GNE: variants seen among roughly 807,000 people sequenced by gnomAD.
The protein encoded by GNE is glucosamine (UDP-N-acetyl)-2-epimerase/N-acetylmannosamine kinase, also known as bifunctional UDP-N-acetylglucosamine 2-epimerase/N-acetylmannosamine kinase.
A neutral mutation model predicts 61.8 loss-of-function variants in GNE; 41 were observed. The ratio of observed to expected loss-of-function variants is 0.66; its 90% CI spans 0.52 to 0.86. The LOEUF is 0.86. GNE is among the 40% of genes least tolerant of loss of function. The probability of loss-of-function intolerance (pLI) is 0.00; values close to 1 mark genes in which losing one functional copy is unlikely to be tolerated. For synonymous variants in GNE, 264 were observed against 326.4 expected, an observed-to-expected ratio of 0.81 and a Z score of 2.06; for missense variants, 608 against 909.1, an observed-to-expected ratio of 0.67 and a Z score of 4.26.
intron 3 of GNE, among the ~76,000 whole-genome samples, chr9:36,245,815 G>A (rs952919440): frequency 7.2e-5 from 11 of 152,154 alleles, no homozygotes; most frequent in Admixed American, 4.6e-4. Flanking sequence ...ATATAGCAGA[G>A]ATTTTTAAAA....
chr9:36,270,097 G>A (rs1023309102), intron 1 of GNE, among the ~76,000 whole-genome samples: 2 of 152,026 alleles, frequency 1.3e-5, no homozygotes, highest in Non-Finnish European at 2.9e-5. Flanking sequence ...AAGTAGCTGG[G>A]ACTTAAAGCA....
rs1828410159 is a variant in GNE at position 36,218,050 on chromosome 9, G to A, written c.1933+133C>T. On this transcript the variant is annotated intron_variant, in intron 11 of 11. Transcript: ENST00000642385. This position sits in a 1 kb window ranked among gnomAD's most constrained non-coding sequence, Gnocchi z 4.1. Reference sequence around the variant, plus strand: ...TTCCCTTTTTACCTCTGAGTAATTAGGAAAGAAACCTCTGAACAGACACTG... The same window carrying A: ...TTCCCTTTTTACCTCTGAGTAATTAAGAAAGAAACCTCTGAACAGACACTG... 1.3e-6 allele frequency: 1 copy of A among 773,904 alleles called. No homozygotes were observed. The highest frequency in any genetic ancestry group is 2.4e-6 in the Non-Finnish European group (1 of 422,482). 47.9% of individuals were successfully genotyped at this position (773,904 alleles called of 1,614,324 possible). A position where few individuals can be genotyped will look rare whatever the true frequency, so the allele number is the denominator to read the frequency against.
In GNE at chr9:36,222,144, C is replaced by T. The variant is rs187629389; in HGVS notation, c.1633+633G>A. On this transcript the variant is annotated intron_variant, in intron 9 of 11. Transcript: ENST00000642385. ...GTTTATCAAAAACATTTCGGCCGGG[C>T]GCGGTGGCTCACGCCTGTAATCCCA... Among the ~76,000 whole-genome samples the T allele has an allele frequency of 4.4e-3, 672 of 151,750 alleles. 7 individuals are homozygous for T. The highest frequency in any genetic ancestry group is 0.015 in the African/African-American group (628 of 41,358).
chr9:36,218,048 T>G lies in GNE; in HGVS notation c.1933+135A>C, dbSNP rs1828410012. The G allele has an allele frequency of 1.3e-6, 1 of 771,262 alleles. No individual in the cohort carries two copies. The highest frequency in any genetic ancestry group is 1.7e-5 in the Admixed American group (1 of 58,504). The allele number at this position is 771,262 out of a possible 1,614,324, so 47.8% of individuals were successfully genotyped here. A position where few individuals can be genotyped will look rare whatever the true frequency, so the allele number is the denominator to read the frequency against. On this transcript the variant is annotated intron_variant, in intron 11 of 11. Coordinates refer to ENST00000642385, the MANE Select transcript of GNE (RefSeq NM_005476.7). The surrounding 1 kb of genome is among the most constrained non-coding windows in gnomAD (Gnocchi z 4.1). ...AATTCCCTTTTTACCTCTGAGTAATTAGGAAAGAAACCTCTGAACAGACAC... is the reference window on the plus strand; with the variant it reads ...AATTCCCTTTTTACCTCTGAGTAATGAGGAAAGAAACCTCTGAACAGACAC...
chr9:36,255,841 T>C (rs1210134618), intron 1 of GNE, among the ~76,000 whole-genome samples: 1 of 152,184 alleles, frequency 6.6e-6, no homozygotes, highest in Non-Finnish European at 1.5e-5. Flanking sequence ...GGATGGATGA[T>C]AGATGTTAGA....
chr9:36,254,727 G>A (rs563372842), intron 1 of GNE, among the ~76,000 whole-genome samples: 6 of 152,250 alleles, frequency 3.9e-5, no homozygotes, highest in East Asian at 3.9e-4. Flanking sequence ...CGAGGCGGGC[G>A]GATCACCTGA....
intron 6 of GNE, among the ~76,000 whole-genome samples, chr9:36,228,507 A>G (rs996484671): frequency 6.6e-6 from 1 of 152,044 alleles, no homozygotes; most frequent in Non-Finnish European, 1.5e-5. Flanking sequence ...AACAAATAAA[A>G]TAAGGCTGGG....
At chr9:36,263,684 T>C (rs368332209) in intron 1 of GNE, among the ~76,000 whole-genome samples, 1 of 152,204 alleles carries the variant, frequency 6.6e-6, no homozygotes, top group African/African-American at 2.4e-5. Context: ...GGCACAAATT[T>C]TTCCTAAAGT....
chr9:36,256,087 G>A (rs1268845174), intron 1 of GNE, among the ~76,000 whole-genome samples: 1 of 151,966 alleles, frequency 6.6e-6, no homozygotes, highest in Non-Finnish European at 1.5e-5. Flanking sequence ...ACCATGCCCA[G>A]CTAATTTTTT....
At chr9:36,269,479 A>G (rs541088136) in intron 1 of GNE, among the ~76,000 whole-genome samples, 2 of 151,534 alleles carry the variant, frequency 1.3e-5, no homozygotes, top group African/African-American at 4.8e-5. Flanking sequence ...AACTCAATAT[A>G]TGAAAGTTCA....
intron 9 of GNE, among the ~76,000 whole-genome samples, chr9:36,222,405 C>T (rs1274851956): frequency 3.9e-5 from 5 of 128,140 alleles, no homozygotes; most frequent in Middle Eastern, 4.4e-3. Context: ...GGCGACAGAG[C>T]GAGACTCCGT....
intron 6 of GNE, among the ~76,000 whole-genome samples, chr9:36,228,095 G>A (rs2133045215): frequency 6.9e-6 from 1 of 144,226 alleles, no homozygotes; most frequent in Middle Eastern, 3.8e-3. Context: ...ATCTCCACAA[G>A]ATATACATAC....
At chr9:36,245,963 G>T in intron 3 of GNE, 68 bp downstream of exon 3, 1 of 1,239,782 alleles carries the variant, frequency 8.1e-7, no homozygotes, top group Non-Finnish European at 1.2e-6. Flanking sequence ...TTTCCAAAAG[G>T]ATTGAAATAG....
At chr9:36,260,574 A>G (rs964661380), upstream of GNE, among the ~76,000 whole-genome samples, 8 of 152,096 alleles carry the variant, frequency 5.3e-5, no homozygotes, top group Non-Finnish European at 1.2e-4. Context: ...AGGGTCTTTA[A>G]AACAACACAA....
At chr9:36,238,784 G>C (rs1342591106) in intron 3 of GNE, among the ~76,000 whole-genome samples, 1 of 152,056 alleles carries the variant, frequency 6.6e-6, no homozygotes, top group African/African-American at 2.4e-5. Context: ...ATTTGCTTTT[G>C]GGTTCTTGGT....
At chr9:36,249,870 C>T (rs908246522) in intron 1 of GNE, among the ~76,000 whole-genome samples, 6 of 150,062 alleles carry the variant, frequency 4.0e-5, no homozygotes, top group African/African-American at 9.8e-5. Context: ...GGTGACAGAG[C>T]GAGACTCCAT....
intron 5 of GNE, 123 bp downstream of exon 5, chr9:36,233,797 G>T: frequency 1.2e-6 from 1 of 815,104 alleles, no homozygotes; most frequent in Non-Finnish European, 2.2e-6. Flanking sequence ...GCTTCAACTG[G>T]TTATTAACCT....
rs146427101 is a variant in GNE, at chr9:36,239,414, T to C, written c.617-2430A>G. Among the ~76,000 whole-genome samples the C allele has an allele frequency of 4.9e-4, 75 of 152,160 alleles. 1 individual carries two copies. The highest frequency in any genetic ancestry group is 1.9e-3 in the South Asian group (9 of 4,826). On this transcript the variant is annotated intron_variant, in intron 3 of 11. Coordinates refer to ENST00000642385, the MANE Select transcript of GNE (RefSeq NM_005476.7). ...TCTACCCATCCATGAGCATGGGATG[T>C]GTTTCCATTTGTTCATGTTGTCTAT...
intron 5 of GNE, among the ~76,000 whole-genome samples, chr9:36,231,107 GAGAA>G (rs1322223013): frequency 3.8e-4 from 41 of 108,382 alleles, no homozygotes; most frequent in Middle Eastern, 4.0e-3. Flanking sequence ...GAGAGAGAAA[GAGAA>G]AGAAAGAAAG....
Sources: gnomAD v4.1 joint callset for allele counts (sites outside exome capture counted in the v4.1 genomes callset) on GRCh38, gnomAD v4.1.1 for gene constraint, Gnocchi (gnomAD v3.1) non-coding constraint, MANE v1.5 for transcripts, NCBI Gene and HGNC (gene_info 2026-07-23, HGNC 2026-07-21) for gene names.